Variants in FIS1 observed in about 807,000 individuals in gnomAD.
The protein encoded by FIS1 is fission, mitochondrial 1.
Under a neutral mutation model 21.6 loss-of-function variants are expected in FIS1, and 16 were observed. The observed-to-expected ratio is 0.74, with a 90% CI of 0.50 to 1.12. FIS1 has a LOEUF of 1.12. FIS1 is among the 50% of genes most tolerant of loss of function. The pLI is 0.00. For missense variants in FIS1, 198 were observed against 190.9 expected, an observed-to-expected ratio of 1.04 and a Z score of -0.22; for synonymous variants, 92 against 82.2, an observed-to-expected ratio of 1.12 and a Z score of -0.65.
Position 101,240,859 on chromosome 7 carries a change from A to G in FIS1, c.226T>C (p.Tyr76His), listed in dbSNP as rs1393409240. The G allele has an allele frequency of 6.2e-7, 1 of 1,614,114 alleles. No individual in the cohort carries two copies. The highest frequency in any genetic ancestry group is 1.1e-5 in the South Asian group (1 of 91,076). Residue 76 changes from tyrosine (Y) to histidine (H), a missense_variant, in exon 3 of 5, where the codon TAC becomes CAC. Physicochemically the swap from Tyr to His is moderately conservative, Grantham distance 83. Coordinates refer to ENST00000223136, the MANE Select transcript of FIS1 (RefSeq NM_016068.3). ...SKEEQRDYVF[Y>H]LAVGNYRLKE... is the part of the protein sequence containing the mutation. ...AGCCGGTAGTTCCCCACGGCCAGGT[A>G]GAAGACGTAATCCCGCTGTTCCTCC...
chr7:101,244,665 G>A (rs1798790633), intron 1 of FIS1: 1 of 528,850 alleles, frequency 1.9e-6, no homozygotes, highest in South Asian at 2.5e-5. Flanking sequence ...CACCGCTGGA[G>A]GAGCGCCCTG....
chr7:101,240,931 G>A (rs1364071161), intron 2 of FIS1, 25 bp from the exon 3 acceptor site: 2 of 1,609,204 alleles, frequency 1.2e-6, no homozygotes, highest in East Asian at 2.2e-5. Context: ...AGAAGAGGGT[G>A]AGAAATGCTT....
Position 101,239,749 on chromosome 7 carries a change from G to A in FIS1, c.*57C>T. On this transcript the variant is annotated 3_prime_UTR_variant, in exon 5 of 5. Transcript: ENST00000223136. ...GGGGGCAGGGGGAGAACAGGGAAAG[G>A]ACAGCGAGGATGGACAGGCCCTCCT... 1 of 1,416,490 alleles carries A rather than the reference G, an allele frequency of 7.1e-7. No homozygotes were observed. Among genetic ancestry groups the A allele is most frequent in the Non-Finnish European group, 9.8e-7 (1 of 1,022,526 alleles). 87.7% of individuals were successfully genotyped at this position (1,416,490 alleles called of 1,614,324 possible). A position where few individuals can be genotyped will look rare whatever the true frequency, so the allele number is the denominator to read the frequency against.
At chr7:101,244,563 G>C (rs1037108028) in intron 1 of FIS1, 1 of 353,508 alleles carries the variant, frequency 2.8e-6, no homozygotes. Flanking sequence ...CTACCTCCTA[G>C]AGCTACAAAG....
At chr7:101,241,981 T>C (rs115833448) in intron 2 of FIS1, among the ~76,000 whole-genome samples, 492 of 151,274 alleles carry the variant, frequency 3.3e-3, no homozygotes, top group African/African-American at 0.011. Flanking sequence ...GCTCTGTCAC[T>C]CCAGTCTGGA....
At chr7:101,240,347 G>GCC in intron 3 of FIS1, 100 bp from the exon 4 acceptor site, 1 of 1,210,676 alleles carries the variant, frequency 8.3e-7, no homozygotes, top group Non-Finnish European at 1.2e-6. Flanking sequence ...TGCCCACGCT[G>GCC]GACGGCAGCG....
At chr7:101,244,835 C>A in intron 1 of FIS1, 125 bp downstream of exon 1, 3 of 1,205,794 alleles carry the variant, frequency 2.5e-6, no homozygotes, top group Admixed American at 2.0e-5. Flanking sequence ...GTGGAGGCTG[C>A]CGGGAGCCGT....
intron 3 of FIS1, 77 bp downstream of exon 3, chr7:101,240,753 G>T: frequency 7.0e-7 from 1 of 1,430,220 alleles, no homozygotes. Flanking sequence ...CGCTGTCCAG[G>T]GCTCCACCCT....
rs1798723498 is a variant in FIS1, at chr7:101,240,215, C to G, written c.288G>C (p.Gly96=). The G allele has an allele frequency of 3.7e-6, 6 of 1,614,238 alleles. No homozygotes were observed. In the East Asian group the frequency reaches 1.1e-4, roughly 30 times the overall value. The stretch of plus-strand genomic sequence containing the variant: ...TGTTCTGGGGCTCTGTCTGCAGCAA[C>G]CCGCGGACGTACTTTAAGGCCTTCT... ...EYEKALKYVR[G]LLQTEPQNNQ... The change falls in exon 4 of 5, where the codon GGG becomes GGC. Residue 96 remains glycine, a synonymous_variant. Coordinates refer to ENST00000223136, the MANE Select transcript of FIS1 (RefSeq NM_016068.3).
chr7:101,242,271 C>G (rs1319840994), intron 2 of FIS1, among the ~76,000 whole-genome samples: 1 of 152,126 alleles, frequency 6.6e-6, no homozygotes, highest in Non-Finnish European at 1.5e-5. Context: ...GATAACTGTA[C>G]TGTATGCACT....
At chr7:101,242,325 CTGT>C (rs1212869604) in intron 2 of FIS1, among the ~76,000 whole-genome samples, 6 of 152,152 alleles carry the variant, frequency 3.9e-5, no homozygotes, top group African/African-American at 1.4e-4. Context: ...ATAAATCTTC[CTGT>C]CTGTACTGTT....
In FIS1 at chr7:101,239,899, T is replaced by A; in HGVS notation, c.366A>T (p.Gly122=). 1 of 1,603,240 alleles carries A rather than the reference T, an allele frequency of 6.2e-7. No homozygotes were observed. The highest frequency in any genetic ancestry group is 2.3e-5 in the East Asian group (1 of 44,416). ...CTCCCACGATGGCCATGCCCACGAG[T>A]CCATCTGGGGAAGGAAAGGGACAGT... The part of the protein sequence containing the change: ...RLIDKAMKKD[G]LVGMAIVGGM... The change falls in exon 5 of 5, where the codon GGA becomes GGT. Residue 122 remains glycine, a synonymous_variant. Coordinates refer to ENST00000223136, the MANE Select transcript of FIS1 (RefSeq NM_016068.3).
In FIS1 at chr7:101,240,219, C is replaced by T. The variant is rs777628613; in HGVS notation, c.284G>A (p.Arg95His). ...KEYEKALKYV[R>H]GLLQTEPQNN... ...CTGGGGCTCTGTCTGCAGCAACCCG[C>T]GGACGTACTTTAAGGCCTTCTCGTA... Residue 95 changes from arginine (R) to histidine (H), a missense_variant, in exon 4 of 5, where the codon CGC becomes CAC. Coordinates refer to ENST00000223136, the MANE Select transcript of FIS1 (RefSeq NM_016068.3). 3.7e-6 allele frequency: 6 copies of T among 1,614,112 alleles called. No homozygotes were observed. The highest frequency in any genetic ancestry group is 2.7e-5 in the African/African-American group (2 of 74,944).
In FIS1 at chr7:101,239,551, G is replaced by C; in HGVS notation, c.*255C>G. 1.8e-6 allele frequency: 1 copy of C among 556,358 alleles called. No individual in the cohort carries two copies. Among genetic ancestry groups the C allele is most frequent in the South Asian group, 1.9e-5 (1 of 53,344 alleles). The allele number at this position is 556,358 out of a possible 1,614,324, so 34.5% of individuals were successfully genotyped here. Reference sequence around the variant, plus strand: ...GGGGCAGGAGAGGACCAGGAGTGACGTCTCCGCCCCCTGTGCCCAGCGTTC... The same window carrying C: ...GGGGCAGGAGAGGACCAGGAGTGACCTCTCCGCCCCCTGTGCCCAGCGTTC... On this transcript the variant is annotated 3_prime_UTR_variant, in exon 5 of 5. Coordinates refer to ENST00000223136, the MANE Select transcript of FIS1 (RefSeq NM_016068.3).
chr7:101,239,620 C>A lies in FIS1; in HGVS notation c.*186G>T. On this transcript the variant is annotated 3_prime_UTR_variant, in exon 5 of 5. Coordinates refer to ENST00000223136, the MANE Select transcript of FIS1 (RefSeq NM_016068.3). ...CAACGCAGACACGGGGGTTCCCAAG[C>A]CACAGCCCCGTTTTATTTACACTCA... The A allele has an allele frequency of 1.5e-6, 1 of 662,408 alleles. No homozygotes were observed. 41.0% of individuals were successfully genotyped at this position (662,408 alleles called of 1,614,324 possible).
Position 101,245,054 on chromosome 7 carries a change from C to T in FIS1, c.-50G>A, listed in dbSNP as rs1259949745. On this transcript the variant is annotated 5_prime_UTR_variant, in exon 1 of 5. Coordinates refer to ENST00000223136, the MANE Select transcript of FIS1 (RefSeq NM_016068.3). ...ACTACAGTCTACTGTGCCACAGTCT[C>T]CATGGCCCAGTGGCAGGGGCGGAGA... 3.1e-6 allele frequency: 5 copies of T among 1,592,900 alleles called. No homozygotes were observed. The highest frequency in any genetic ancestry group is 4.3e-6 in the Non-Finnish European group (5 of 1,166,864).
chr7:101,240,056 C>T, intron 4 of FIS1, 86 bp downstream of exon 4: 1 of 1,488,686 alleles, frequency 6.7e-7, no homozygotes, highest in Non-Finnish European at 9.3e-7. Context: ...GGCTGAGGGG[C>T]TGCCTGGAGG....
At chr7:101,242,392 C>T (rs186071272) in intron 2 of FIS1, among the ~76,000 whole-genome samples, 1 of 152,286 alleles carries the variant, frequency 6.6e-6, no homozygotes, top group East Asian at 1.9e-4. Context: ...CACCTACACC[C>T]TGCTGTAGAA....
rs563267417 is a variant in FIS1 at position 101,244,044 on chromosome 7, G to A, written c.141C>T (p.Tyr47=). The change falls in exon 2 of 5, where the codon TAC becomes TAT. Residue 47 remains tyrosine, a synonymous_variant. Coordinates refer to ENST00000223136, the MANE Select transcript of FIS1 (RefSeq NM_016068.3). Reference sequence around the variant, plus strand: ...CGATGCCTTTACGGATGTCATCATTGTACTTGCTCCGCACCAGGCACCAGG... The same window carrying A: ...CGATGCCTTTACGGATGTCATCATTATACTTGCTCCGCACCAGGCACCAGG... ...EYAWCLVRSK[Y]NDDIRKGIVL... 1 of 1,613,954 alleles carries A rather than the reference G, an allele frequency of 6.2e-7. No individual in the cohort carries two copies. Among genetic ancestry groups the A allele is most frequent in the African/African-American group, 1.3e-5 (1 of 75,052 alleles).
Sources: allele counts gnomAD v4.1 joint callset (sites outside exome capture counted in the v4.1 genomes callset), GRCh38; gene constraint gnomAD v4.1.1; transcripts MANE v1.5; gene names NCBI Gene and HGNC (gene_info 2026-07-23, HGNC 2026-07-21).